Variants in EPHA6 observed in about 807,000 individuals in gnomAD.
The protein encoded by EPHA6 is EPH receptor A6, also known as ephrin type-A receptor 6.
A neutral mutation model predicts 112.0 loss-of-function variants in EPHA6; 50 were observed. The ratio of observed to expected loss-of-function variants is 0.45; its 90% CI spans 0.36 to 0.56. The LOEUF (loss-of-function observed/expected upper bound fraction) is 0.56. Among genes scored for constraint, EPHA6 ranks in the 20% least tolerant of loss-of-function variants. The probability of loss-of-function intolerance (pLI) is 0.00; values close to 1 mark genes in which losing one functional copy is unlikely to be tolerated. For missense variants in EPHA6, 1,280 were observed against 1,417.4 expected, an observed-to-expected ratio of 0.90 and a Z score of 1.56; for synonymous variants, 529 against 490.7, an observed-to-expected ratio of 1.08 and a Z score of -1.03.
At chr3:97,222,319 T>C (rs1233262835) in intron 3 of EPHA6, among the ~76,000 whole-genome samples, 1 of 152,152 alleles carries the variant, frequency 6.6e-6, no homozygotes, top group Non-Finnish European at 1.5e-5. Flanking sequence ...TTATACTAAA[T>C]GTTAATATTG....
chr3:97,061,381 G>T (rs1413700226), intron 3 of EPHA6, among the ~76,000 whole-genome samples: 4 of 152,142 alleles, frequency 2.6e-5, no homozygotes, highest in Non-Finnish European at 5.9e-5. Flanking sequence ...GCCAGAGAAA[G>T]TGGTCATATC....
intron 5 of EPHA6, among the ~76,000 whole-genome samples, chr3:97,330,687 A>C (rs1432749521): frequency 6.6e-6 from 1 of 152,132 alleles, no homozygotes; most frequent in Non-Finnish European, 1.5e-5. Context: ...ATTCAACAAG[A>C]AGAGCTAACT....
At chr3:97,208,944 G>A (rs2077790314) in intron 3 of EPHA6, among the ~76,000 whole-genome samples, 1 of 152,090 alleles carries the variant, frequency 6.6e-6, no homozygotes, top group Admixed American at 6.6e-5. Flanking sequence ...TCATATTGTA[G>A]TATATTATCT....
intron 9 of EPHA6, among the ~76,000 whole-genome samples, chr3:97,483,259 C>T (rs964221026): frequency 6.6e-6 from 1 of 152,214 alleles, no homozygotes. Flanking sequence ...GCCCTCCATT[C>T]TCACCAATGA....
intron 15 of EPHA6, among the ~76,000 whole-genome samples, chr3:97,727,839 G>A (rs2034843646): frequency 6.6e-6 from 1 of 151,792 alleles, no homozygotes; most frequent in African/African-American, 2.4e-5. Flanking sequence ...CTGCTACAGA[G>A]GCAAGAATAA....
intron 5 of EPHA6, among the ~76,000 whole-genome samples, chr3:97,255,432 T>A (rs1226357246): frequency 2.0e-5 from 3 of 152,186 alleles, no homozygotes; most frequent in Non-Finnish European, 2.9e-5. Context: ...GAATAAACTT[T>A]GAGTTTTAGT....
chr3:97,146,099 A>C (rs2076038942), intron 3 of EPHA6, among the ~76,000 whole-genome samples: 1 of 151,776 alleles, frequency 6.6e-6, no homozygotes, highest in Non-Finnish European at 1.5e-5. Context: ...TCCTATGAAA[A>C]ATTATTTTAG....
Position 97,640,723 on chromosome 3 carries a change from T to A in EPHA6, c.2784+2641T>A, listed in dbSNP as rs2093995659. Among the ~76,000 whole-genome samples, 4 of 151,936 alleles carry A rather than the reference T, an allele frequency of 2.6e-5. No individual in the cohort carries two copies. The South Asian group carries it at 8.3e-4, about 32-fold the overall frequency. On this transcript the variant is annotated intron_variant, in intron 14 of 17. Coordinates refer to ENST00000389672, the MANE Select transcript of EPHA6 (RefSeq NM_001080448.3). ...TGAACCCAGGAGGCGGAGGTTGCGATGAACTGAGATCATGCCATTGAACTC... is the reference window on the plus strand; with the variant it reads ...TGAACCCAGGAGGCGGAGGTTGCGAAGAACTGAGATCATGCCATTGAACTC...
intron 3 of EPHA6, among the ~76,000 whole-genome samples, chr3:97,134,225 T>C (rs965497848): frequency 3.9e-5 from 6 of 152,132 alleles, no homozygotes; most frequent in Admixed American, 3.9e-4. Context: ...TCTTTCAATA[T>C]ACTATTTCTG....
chr3:96,944,720 T>C (rs2041161726), intron 2 of EPHA6, among the ~76,000 whole-genome samples: 1 of 152,106 alleles, frequency 6.6e-6, no homozygotes, highest in Admixed American at 6.6e-5. Flanking sequence ...AATGGTAAGA[T>C]CAAGAGATCA....
intron 13 of EPHA6, among the ~76,000 whole-genome samples, chr3:97,621,368 C>T (rs969988328): frequency 6.6e-6 from 1 of 151,936 alleles, no homozygotes; most frequent in African/African-American, 2.4e-5. Context: ...GCCCCCATGA[C>T]ACAACCATTT....
intron 3 of EPHA6, among the ~76,000 whole-genome samples, chr3:97,020,921 T>TA (rs34814206): frequency 0.018 from 2,720 of 151,956 alleles, 69 homozygotes; most frequent in African/African-American, 0.051. Flanking sequence ...ATTTTTTTTT[T>TA]AAAAAGTCAA....
At position 97,644,267 on chromosome 3, in the gene EPHA6, T is replaced by C. The variant is rs569730976; in HGVS notation, c.2784+6185T>C. Among the ~76,000 whole-genome samples, 1,112 of 149,876 alleles carry C rather than the reference T, an allele frequency of 7.4e-3. 14 individuals carry two copies. Among genetic ancestry groups the C allele is most frequent in the African/African-American group, 0.025 (1,029 of 40,658 alleles). On this transcript the variant is annotated intron_variant, in intron 14 of 17. Transcript: ENST00000389672. Reference sequence around the variant, plus strand: ...AGAACAAAGACACAACATACCAGAATCTCTGGGACGCATTCAAAGCAGTGT... The same window carrying C: ...AGAACAAAGACACAACATACCAGAACCTCTGGGACGCATTCAAAGCAGTGT...
chr3:97,451,562 A>T (rs991785663), intron 7 of EPHA6, among the ~76,000 whole-genome samples: 1 of 151,188 alleles, frequency 6.6e-6, no homozygotes, highest in South Asian at 2.1e-4. Flanking sequence ...GTCAATTTAC[A>T]GTCTAAGGGA....
At chr3:96,819,274 T>C (rs1448910337) in intron 1 of EPHA6, among the ~76,000 whole-genome samples, 1 of 152,134 alleles carries the variant, frequency 6.6e-6, no homozygotes, top group Non-Finnish European at 1.5e-5. Context: ...TTTACTTTTT[T>C]GTTACTTTTA....
chr3:96,909,218 A>C (rs986729958), intron 2 of EPHA6, among the ~76,000 whole-genome samples: 1 of 151,984 alleles, frequency 6.6e-6, no homozygotes, highest in East Asian at 1.9e-4. Flanking sequence ...TTTAAACTAT[A>C]TACTAATTAG....
intron 7 of EPHA6, among the ~76,000 whole-genome samples, chr3:97,460,869 G>C (rs2090864747): frequency 6.6e-6 from 1 of 152,028 alleles, no homozygotes; most frequent in Non-Finnish European, 1.5e-5. Context: ...TTCATGCTGA[G>C]GTCACTCCCC....
At chr3:97,417,352 A>T (rs1040202238) in intron 6 of EPHA6, among the ~76,000 whole-genome samples, 51 of 152,090 alleles carry the variant, frequency 3.4e-4, no homozygotes, top group Admixed American at 4.6e-4. Context: ...TTCAATAAAA[A>T]TTAGGGAATA....
chr3:96,853,280 T>C (rs1271260017), intron 1 of EPHA6, among the ~76,000 whole-genome samples: 2 of 152,158 alleles, frequency 1.3e-5, no homozygotes, highest in African/African-American at 4.8e-5. Context: ...TGAATTTATA[T>C]GAAAACCCAA....
Sources: gnomAD v4.1 joint callset for allele counts (sites outside exome capture counted in the v4.1 genomes callset) on GRCh38, gnomAD v4.1.1 for gene constraint, MANE v1.5 for transcripts, NCBI Gene and HGNC (gene_info 2026-07-23, HGNC 2026-07-21) for gene names.